Variants in GSG1L observed in about 807,000 individuals in gnomAD.
GSG1L encodes the protein germ cell-specific gene 1-like protein.
In GSG1L, 24 loss-of-function variants were observed where a neutral mutation model predicts 42.1. The ratio of observed to expected loss-of-function variants is 0.57; its 90% CI spans 0.41 to 0.80. GSG1L has a LOEUF of 0.80. Ranked by LOEUF, GSG1L falls within the 30% of genes least tolerant of loss-of-function variation. GSG1L has a pLI of 0.00. For missense variants in GSG1L, 445 were observed against 472.2 expected (o/e 0.94, Z 0.53); for synonymous variants, 215 against 203.5 (o/e 1.06, Z -0.48).
chr16:27,925,687 T>G (rs1251775891), intron 2 of GSG1L, among the ~76,000 whole-genome samples: 1 of 151,790 alleles, frequency 6.6e-6, no homozygotes, highest in Non-Finnish European at 1.5e-5. Flanking sequence ...AGGTGAGAGA[T>G]TCCACCGATG....
intron 1 of GSG1L, among the ~76,000 whole-genome samples, chr16:28,046,056 T>G (rs983155608): frequency 6.6e-6 from 1 of 152,142 alleles, no homozygotes; most frequent in Non-Finnish European, 1.5e-5. Flanking sequence ...CATCATGAAA[T>G]TCTCTATTTT....
intron 3 of GSG1L, among the ~76,000 whole-genome samples, chr16:27,855,103 CA>C (rs1555504236): frequency 6.6e-6 from 1 of 152,138 alleles, no homozygotes; most frequent in Non-Finnish European, 1.5e-5. Context: ...AACAGACATC[CA>C]GGGTGCTCGA....
chr16:27,908,891 T>G (rs965823531), intron 2 of GSG1L, among the ~76,000 whole-genome samples: 19 of 152,152 alleles, frequency 1.2e-4, no homozygotes, highest in African/African-American at 4.6e-4. Context: ...CACTGAGGGC[T>G]TCAGTAACCT....
intron 3 of GSG1L, among the ~76,000 whole-genome samples, chr16:27,874,973 A>G (rs1378825374): frequency 1.3e-5 from 2 of 152,186 alleles, no homozygotes; most frequent in African/African-American, 4.8e-5. Flanking sequence ...GCTTCTGGGA[A>G]GATGGCATCA....
At chr16:27,791,918 A>T (rs747844590) in intron 6 of GSG1L, among the ~76,000 whole-genome samples, 25 of 151,834 alleles carry the variant, frequency 1.6e-4, no homozygotes, top group Non-Finnish European at 3.1e-4. Context: ...ACCTACACCC[A>T]AAACATCCCC....
At chr16:27,821,698 C>G (rs1259514155) in intron 5 of GSG1L, among the ~76,000 whole-genome samples, 1 of 151,900 alleles carries the variant, frequency 6.6e-6, no homozygotes, top group South Asian at 2.1e-4. Flanking sequence ...CAGGAGATCA[C>G]GACCATCCTG....
intron 1 of GSG1L, among the ~76,000 whole-genome samples, chr16:28,035,781 C>G (rs1186404752): frequency 6.6e-6 from 1 of 152,176 alleles, no homozygotes; most frequent in Admixed American, 6.5e-5. Context: ...CCTACCACCC[C>G]AGGGAGAGTG....
chr16:27,945,414 G>A (rs1319303923), intron 2 of GSG1L, among the ~76,000 whole-genome samples: 1 of 152,074 alleles, frequency 6.6e-6, no homozygotes, highest in Non-Finnish European at 1.5e-5. Context: ...GACAGAAACC[G>A]GCTTTGGAGA....
intron 1 of GSG1L, among the ~76,000 whole-genome samples, chr16:28,029,285 G>A (rs994709035): frequency 1.3e-5 from 2 of 152,186 alleles, no homozygotes; most frequent in African/African-American, 2.4e-5. Flanking sequence ...GTAGAAGTGC[G>A]TTATTTATAA....
At chr16:27,950,118 A>G (rs1429568628) in intron 2 of GSG1L, among the ~76,000 whole-genome samples, 6 of 152,180 alleles carry the variant, frequency 3.9e-5, no homozygotes, top group African/African-American at 1.4e-4. Flanking sequence ...ACCCTACGCC[A>G]TCATAGATCA....
At chr16:27,875,564 A>G (rs1567499323) in intron 3 of GSG1L, among the ~76,000 whole-genome samples, 3 of 152,150 alleles carry the variant, frequency 2.0e-5, no homozygotes, top group Admixed American at 2.0e-4. Flanking sequence ...TGACAGTTTG[A>G]CAACACATTT....
intron 1 of GSG1L, among the ~76,000 whole-genome samples, chr16:28,058,488 G>A (rs1207200249): frequency 6.6e-6 from 1 of 152,084 alleles, no homozygotes; most frequent in East Asian, 1.9e-4. Flanking sequence ...AATTAGCCAG[G>A]TATGGTGGTG....
intron 6 of GSG1L, among the ~76,000 whole-genome samples, chr16:27,802,844 G>T (rs1371850997): frequency 6.6e-6 from 1 of 151,710 alleles, no homozygotes; most frequent in African/African-American, 2.4e-5. Context: ...TTTTCAAGAT[G>T]GGGTCTTGCT....
intron 6 of GSG1L, among the ~76,000 whole-genome samples, chr16:27,803,989 T>C (rs1277457478): frequency 6.7e-6 from 1 of 149,988 alleles, no homozygotes; most frequent in East Asian, 1.9e-4. Flanking sequence ...GGATAGATGA[T>C]TGACAGATGA....
chr16:27,947,554 A>AAAGG (rs2084894393), intron 2 of GSG1L, among the ~76,000 whole-genome samples: 1 of 79,444 alleles, frequency 1.3e-5, no homozygotes, highest in South Asian at 3.3e-4. Flanking sequence ...AGAAAGAAAG[A>AAAGG]AAGAAAGAAA....
chr16:27,865,570 TATACACAC>T lies in GSG1L; in HGVS notation c.550+18908_550+18915del, dbSNP rs1213421730. On this transcript the variant is annotated intron_variant, in intron 3 of 6. Coordinates refer to ENST00000447459, the MANE Select transcript of GSG1L (RefSeq NM_001109763.2). ...ATATATATATATATATATATATATA[TATACACAC>T]ACACATACATACATACACACACATA... 5.6e-3 allele frequency among the ~76,000 whole-genome samples: 70 copies of T among 12,508 alleles called. 5 individuals are homozygous for T. Among genetic ancestry groups the T allele is most frequent in the African/African-American group, 9.0e-3 (23 of 2,566 alleles). The allele number at this position is 12,508 out of a possible 152,430, so 8.2% of individuals were successfully genotyped here.
intron 1 of GSG1L, among the ~76,000 whole-genome samples, chr16:27,984,364 G>A (rs2085357537): frequency 6.6e-6 from 1 of 152,128 alleles, no homozygotes; most frequent in Non-Finnish European, 1.5e-5. Flanking sequence ...GGACATCGCA[G>A]GGTAGCCAGC....
At chr16:27,892,016 G>A (rs1411275278) in intron 2 of GSG1L, among the ~76,000 whole-genome samples, 2 of 150,610 alleles carry the variant, frequency 1.3e-5, no homozygotes, top group Non-Finnish European at 2.9e-5. Flanking sequence ...CACTTGTGGT[G>A]CAAATTCTCC....
intron 1 of GSG1L, among the ~76,000 whole-genome samples, chr16:28,038,436 C>T (rs1381267818): frequency 6.6e-6 from 1 of 152,204 alleles, no homozygotes; most frequent in Non-Finnish European, 1.5e-5. Context: ...CAGAGTCCAG[C>T]GGCCTTGAGG....
Sources: allele counts gnomAD v4.1 joint callset (sites outside exome capture counted in the v4.1 genomes callset), GRCh38; gene constraint gnomAD v4.1.1; transcripts MANE v1.5; gene names NCBI Gene and HGNC (gene_info 2026-07-23, HGNC 2026-07-21).